Variants in GAPDH observed in about 807,000 individuals in gnomAD.
The protein encoded by GAPDH is OCAS, p38 component.
A neutral mutation model predicts 31.2 loss-of-function variants in GAPDH; 13 were observed. That is an observed-to-expected ratio of 0.42 (90% CI 0.27 to 0.66). The LOEUF (loss-of-function observed/expected upper bound fraction) is 0.66, where lower values mean the gene tolerates loss of function less well. GAPDH is among the 30% of genes least tolerant of loss of function. The probability of loss-of-function intolerance (pLI) is 0.26; values close to 1 mark genes in which losing one functional copy is unlikely to be tolerated. For synonymous variants in GAPDH, 211 were observed against 166.9 expected (o/e 1.26, Z -2.04); for missense variants, 300 against 443.7 (o/e 0.68, Z 2.91).
chr12:6,534,586 A>AG lies in GAPDH; in HGVS notation c.-24+18dup. The AG allele has an allele frequency of 5.4e-6, 3 of 555,122 alleles. No individual in the cohort carries two copies. The highest frequency in any genetic ancestry group is 4.8e-4 in the Middle Eastern group (1 of 2,078). The allele number at this position is 555,122 out of a possible 1,614,324, so 34.4% of individuals were successfully genotyped here. Reference sequence around the variant, plus strand: ...CGTCGCCAGGTGAAGACGGGCGGAGAGAAACCCGGGAGGCTAGGGACGGCC... The same window carrying AG: ...CGTCGCCAGGTGAAGACGGGCGGAGAGGAAACCCGGGAGGCTAGGGACGGCC... On this transcript the variant is annotated intron_variant, in intron 1 of 8. Transcript: ENST00000229239.
chr12:6,537,563 A>T lies in GAPDH; in HGVS notation c.526-21A>T. 4.4e-6 allele frequency: 7 copies of T among 1,604,730 alleles called. No individual in the cohort carries two copies. The highest frequency in any genetic ancestry group is 6.0e-6 in the Non-Finnish European group (7 of 1,175,684). The stretch of plus-strand genomic sequence containing the variant: ...AGGGGTGATGTGGGGAGTACGCTGC[A>T]GGGCCTCACTCCTTTTGCAGACCAC... On this transcript the variant is annotated intron_variant, in intron 7 of 8. Transcript: ENST00000229239. This position sits in a 1 kb window ranked among gnomAD's most constrained non-coding sequence, Gnocchi z 4.9.
Position 6,538,179 on chromosome 12 carries a change from G to C in GAPDH, c.*9G>C. The C allele has an allele frequency of 1.2e-6, 2 of 1,604,078 alleles. No individual in the cohort carries two copies. The highest frequency in any genetic ancestry group is 4.5e-5 in the East Asian group (2 of 44,876). On this transcript the variant is annotated 3_prime_UTR_variant, in exon 9 of 9. Coordinates refer to ENST00000229239, the MANE Select transcript of GAPDH (RefSeq NM_002046.7). ...TGGCCTCCAAGGAGTAAGACCCCTG[G>C]ACCACCAGCCCCAGCAAGAGCACAA... is the stretch of plus-strand genomic sequence containing the variant.
At position 6,536,805 on chromosome 12, in the gene GAPDH, G is replaced by C; in HGVS notation, c.236+15G>C. On this transcript the variant is annotated intron_variant, in intron 4 of 8. Transcript: ENST00000229239. ...ATCTTCCAGGAGTGAGTGGAAGACA[G>C]AATGGAAGAAATGTGCTTTGGGGAG... 6.2e-7 allele frequency: 1 copy of C among 1,608,758 alleles called. No homozygotes were observed. The highest frequency in any genetic ancestry group is 8.5e-7 in the Non-Finnish European group (1 of 1,175,052).
intron 2 of GAPDH, 143 bp downstream of exon 2, chr12:6,535,004 A>G (rs1592183466): frequency 2.0e-6 from 2 of 1,007,166 alleles, no homozygotes; most frequent in East Asian, 5.3e-5. Context: ...CAGCGCTCGG[A>G]CCTGGCGGAG....
rs567602385 is a variant in GAPDH at position 6,537,018 on chromosome 12, C to G, written c.327+8C>G. The G allele has an allele frequency of 6.2e-7, 1 of 1,610,056 alleles. No individual in the cohort carries two copies. The highest frequency in any genetic ancestry group is 2.2e-5 in the East Asian group (1 of 44,566). ...ACCATGGAGAAGGCTGGGGTGAGTG[C>G]AGGAGGGCCCGCGGGAGGGGAAGCT... On this transcript the variant is annotated splice_region_variant and intron_variant, in intron 5 of 8. Transcript: ENST00000229239. This position sits in a 1 kb window ranked among gnomAD's most constrained non-coding sequence, Gnocchi z 4.9.
At chr12:6,535,117 C>T (rs1946433413) in intron 2 of GAPDH, 1 of 842,606 alleles carries the variant, frequency 1.2e-6, no homozygotes, top group Admixed American at 3.8e-5. Flanking sequence ...TCCCTACTCC[C>T]GCCCGAGATC....
intron 4 of GAPDH, 21 bp downstream of exon 4, chr12:6,536,811 A>G (rs1946478358): frequency 1.2e-6 from 2 of 1,606,804 alleles, no homozygotes; most frequent in Non-Finnish European, 1.7e-6. Context: ...GACAGAATGG[A>G]AGAAATGTGC....
In GAPDH at chr12:6,537,253, T is replaced by C. The variant is rs761381114; in HGVS notation, c.443+37T>C. 8 of 1,596,926 alleles carry C rather than the reference T, an allele frequency of 5.0e-6. No homozygotes were observed. The East Asian group carries it at 1.4e-4, about 28-fold the overall frequency. ...AGGGCCCGTGGAGAAGCGGCCAGCC[T>C]GGCACCCTATGGACACGCTCCCCTG... On this transcript the variant is annotated intron_variant, in intron 6 of 8. Coordinates refer to ENST00000229239, the MANE Select transcript of GAPDH (RefSeq NM_002046.7). The surrounding 1 kb of genome is among the most constrained non-coding windows in gnomAD (Gnocchi z 4.9).
In GAPDH at chr12:6,534,945, C is replaced by T. The variant is rs151310315; in HGVS notation, c.29+84C>T. ...GAGCCTTGCGGGCTCCGGGTCTTTGCAGTCGTATGGGGGCAGGGTAGCTGT... is the reference window on the plus strand; with the variant it reads ...GAGCCTTGCGGGCTCCGGGTCTTTGTAGTCGTATGGGGGCAGGGTAGCTGT... On this transcript the variant is annotated intron_variant, in intron 2 of 8. Transcript: ENST00000229239. 3.6e-3 allele frequency: 5,165 copies of T among 1,436,364 alleles called. 143 individuals are homozygous for T. In the African/African-American group the frequency reaches 0.06, roughly 17 times the overall value. 89.0% of individuals were successfully genotyped at this position (1,436,364 alleles called of 1,614,324 possible). A position where few individuals can be genotyped will look rare whatever the true frequency, so the allele number is the denominator to read the frequency against.
Position 6,537,217 on chromosome 12 carries a change from G to A in GAPDH, c.443+1G>A. 2.5e-6 allele frequency: 4 copies of A among 1,597,376 alleles called. No homozygotes were observed. Among genetic ancestry groups the A allele is most frequent in the Non-Finnish European group, 3.4e-6 (4 of 1,178,472 alleles). ...ATGACAACAGCCTCAAGATCATCAG[G>A]TGAGGAAGGCAGGGCCCGTGGAGAA... On this transcript the variant is annotated splice_donor_variant, in intron 6 of 8. Transcript: ENST00000229239. LOFTEE classifies it high-confidence loss of function. This position sits in a 1 kb window ranked among gnomAD's most constrained non-coding sequence, Gnocchi z 4.9.
Position 6,536,945 on chromosome 12 carries a change from G to A in GAPDH, c.262G>A (p.Gly88Ser). 1 of 1,613,876 alleles carries A rather than the reference G, an allele frequency of 6.2e-7. No homozygotes were observed. Among genetic ancestry groups the A allele is most frequent in the African/African-American group, 1.3e-5 (1 of 74,936 alleles). Residue 88 changes from glycine (G) to serine (S), a missense_variant, in exon 5 of 9, where the codon GGC (glycine) becomes AGC (serine). Physicochemically the swap from Gly to Ser is moderately conservative, Grantham distance 56. Coordinates refer to ENST00000229239, the MANE Select transcript of GAPDH (RefSeq NM_002046.7). ...GCGAGATCCCTCCAAAATCAAGTGGGGCGATGCTGGCGCTGAGTACGTCGT... is the reference window on the plus strand; with the variant it reads ...GCGAGATCCCTCCAAAATCAAGTGGAGCGATGCTGGCGCTGAGTACGTCGT... ...QERDPSKIKW[G>S]DAGAEYVVES...
intron 2 of GAPDH, chr12:6,535,577 TGGAAAA>T (rs1946445806): frequency 2.2e-6 from 1 of 455,508 alleles, no homozygotes; most frequent in African/African-American, 2.1e-5. Flanking sequence ...CATGGGTAGT[TGGAAAA>T]GGACATTTCC....
intron 8 of GAPDH, 34 bp from the exon 9 acceptor site, chr12:6,538,066 GA>G (rs769480737): frequency 3.6e-5 from 58 of 1,599,514 alleles, no homozygotes; most frequent in Non-Finnish European, 4.6e-5. Context: ...GGCTGGCTCA[GA>G]AAAAGGGCCC....
Position 6,536,721 on chromosome 12 carries a change from TC to T in GAPDH, c.169del (p.His57MetfsTer79). 6.2e-7 allele frequency: 1 copy of T among 1,613,846 alleles called. No individual in the cohort carries two copies. The highest frequency in any genetic ancestry group is 8.5e-7 in the Non-Finnish European group (1 of 1,179,884). ...CAATATGATTCCACCCATGGCAAAT[TC>T]CATGGCACCGTCAAGGCTGAGAACG... ...MFQYDSTHGK[F>X]HGTVKAENGK... On this transcript the variant is annotated frameshift_variant, in exon 4 of 9. Transcript: ENST00000229239. LOFTEE classifies it high-confidence loss of function.
rs1359592979 is a variant in GAPDH, at chr12:6,537,745, T to C, written c.687T>C (p.Thr229=). Residue 229 remains threonine, a synonymous_variant, in exon 8 of 9, where the codon ACT becomes ACC. Coordinates refer to ENST00000229239, the MANE Select transcript of GAPDH (RefSeq NM_002046.7). This position sits in a 1 kb window ranked among gnomAD's most constrained non-coding sequence, Gnocchi z 4.9. ...TCCCTGAGCTGAACGGGAAGCTCAC[T>C]GGCATGGCCTTCCGTGTCCCCACTG... ...KVIPELNGKL[T]GMAFRVPTAN... 4.3e-6 allele frequency: 7 copies of C among 1,611,710 alleles called. No homozygotes were observed. Among genetic ancestry groups the C allele is most frequent in the Non-Finnish European group, 5.9e-6 (7 of 1,179,840 alleles).
intron 1 of GAPDH, 65 bp from the exon 2 acceptor site, chr12:6,534,745 G>T: frequency 1.6e-5 from 22 of 1,391,708 alleles, no homozygotes; most frequent in Non-Finnish European, 2.1e-5. Flanking sequence ...TGGTGGGGGA[G>T]GGGAGGGGAG....
At chr12:6,534,666 G>C (rs1232273853) in intron 1 of GAPDH, 97 bp downstream of exon 1, 25 of 753,648 alleles carry the variant, frequency 3.3e-5, no homozygotes, top group East Asian at 1.4e-4. Flanking sequence ...TGCGGGGTGG[G>C]CCCGGGCGGC....
Position 6,537,862 on chromosome 12 carries a change from C to T in GAPDH, c.804C>T (p.Gly268=). ...IKKVVKQASE[G]PLKGILGYTE... ...AGGTGGTGAAGCAGGCGTCGGAGGGCCCCCTCAAGGGCATCCTGGGCTACA... is the reference window on the plus strand; with the variant it reads ...AGGTGGTGAAGCAGGCGTCGGAGGGTCCCCTCAAGGGCATCCTGGGCTACA... Residue 268 remains glycine (G), a synonymous_variant, in exon 8 of 9, where the codon GGC becomes GGT. Transcript: ENST00000229239. The surrounding 1 kb of genome is among the most constrained non-coding windows in gnomAD (Gnocchi z 4.9). 3 of 1,613,018 alleles carry T rather than the reference C, an allele frequency of 1.9e-6. No homozygotes were observed. The highest frequency in any genetic ancestry group is 2.5e-6 in the Non-Finnish European group (3 of 1,179,998).
In GAPDH at chr12:6,534,522, C is replaced by T. The variant is rs1015638048; in HGVS notation, c.-71C>T. ...AGCCCGCAGCCTCCCGCTTCGCTCT[C>T]TGCTCCTCCTGTTCGACAGTCAGCC... On this transcript the variant is annotated 5_prime_UTR_variant, in exon 1 of 9. Coordinates refer to ENST00000229239, the MANE Select transcript of GAPDH (RefSeq NM_002046.7). The T allele has an allele frequency of 8.7e-6, 4 of 459,422 alleles. No homozygotes were observed. Among genetic ancestry groups the T allele is most frequent in the African/African-American group, 2.1e-5 (1 of 46,812 alleles). 28.5% of individuals were successfully genotyped at this position (459,422 alleles called of 1,614,324 possible).
Sources: gnomAD v4.1 joint callset for allele counts on GRCh38, gnomAD v4.1.1 for gene constraint, Gnocchi (gnomAD v3.1) non-coding constraint, MANE v1.5 for transcripts, NCBI Gene and HGNC (gene_info 2026-07-23, HGNC 2026-07-21) for gene names.